Variants in ZNF646 observed in about 807,000 individuals in gnomAD.
The protein encoded by ZNF646 is zinc finger protein 646.
ZNF646 carries 49 observed loss-of-function variants against 115.4 expected under a neutral mutation model. The observed-to-expected ratio is 0.42, with a 90% confidence interval of 0.34 to 0.54. The LOEUF (loss-of-function observed/expected upper bound fraction) is 0.54, where lower values mean the gene tolerates loss of function less well. Ranked by LOEUF, ZNF646 falls within the 20% of genes least tolerant of loss-of-function variation. The pLI, the probability that ZNF646 is intolerant of heterozygous loss-of-function variation, is 0.04. For synonymous variants in ZNF646, 933 were observed against 939.0 expected (o/e 0.99, Z 0.12); for missense variants, 2,269 against 2,457.9 (o/e 0.92, Z 1.62).
At position 31,077,276 on chromosome 16, in the gene ZNF646, G is replaced by A; in HGVS notation, c.952G>A (p.Gly318Ser). 6.2e-7 allele frequency: 1 copy of A among 1,614,080 alleles called. No individual in the cohort carries two copies. Among genetic ancestry groups the A allele is most frequent in the Non-Finnish European group, 8.5e-7 (1 of 1,180,028 alleles). The change falls in exon 2 of 3, where the codon GGT becomes AGT. Residue 318 changes from glycine to serine, a missense_variant. Physicochemically the swap from Gly to Ser is moderately conservative, Grantham distance 56 (BLOSUM62 0). Around this residue, in one of 5 missense-constraint regions of ZNF646, gnomAD observed 852 missense variants for 900.2 expected, o/e 0.95. Transcript: ENST00000300850. ...GCTGGAACACCAGCAGTCCCATGAG[G>A]GTGAAAGGCAGGAGCCACGCTGGGA... ...ELLEHQQSHE[G>S]ERQEPRWEEK...
intron 1 of ZNF646, chr16:31,075,756 A>T (rs2057068722): frequency 6.6e-6 from 1 of 152,174 alleles, no homozygotes; most frequent in Non-Finnish European, 1.5e-5. Flanking sequence ...ACTGGAGGAA[A>T]CAGCTGCTTT....
rs768823396 is a variant in ZNF646 at position 31,077,888 on chromosome 16, G to C, written c.1564G>C (p.Ala522Pro). Residue 522 changes from alanine to proline, a missense_variant, in exon 2 of 3, where the codon GCA becomes CCA. Ala to Pro is a conservative substitution (Grantham distance 27). Coordinates refer to ENST00000300850, the MANE Select transcript of ZNF646 (RefSeq NM_014699.4). The part of the protein sequence containing the change: ...RVHCKAARRS[A>P]DIGAEGAPSH... ...ACATTGCAAGGCTGCTCGCCGAAGT[G>C]CAGACATCGGGGCTGAGGGTGCCCC... The C allele has an allele frequency of 6.2e-7, 1 of 1,613,734 alleles. No individual in the cohort carries two copies. The highest frequency in any genetic ancestry group is 1.7e-5 in the Admixed American group (1 of 60,010).
chr16:31,073,178 G>A (rs911880161), upstream of ZNF646: 2 of 152,394 alleles, frequency 1.3e-5, no homozygotes, highest in Non-Finnish European at 2.9e-5. Context: ...GGCTTCGGAG[G>A]ACGTGGCAAG....
chr16:31,073,192 G>A (rs2057030325), upstream of ZNF646: 1 of 152,452 alleles, frequency 6.6e-6, no homozygotes, highest in African/African-American at 2.4e-5. Context: ...TGGCAAGGAG[G>A]ACTGAACGAA....
rs1360749404 is a variant in ZNF646, at chr16:31,078,575, G to A, written c.2251G>A (p.Asp751Asn). ...GAGGGATGAGACCCATTTCCAGGGT[G>A]ATAAAGAGAGCGGAGGCACTGGGGA... ...LERDETHFQG[D>N]KESGGTGEGL... Residue 751 changes from aspartate to asparagine, a missense_variant, in exon 2 of 3, where the codon GAT becomes AAT. By Grantham distance (23) the Asp-to-Asn change is conservative. Coordinates refer to ENST00000300850, the MANE Select transcript of ZNF646 (RefSeq NM_014699.4). 1.9e-6 allele frequency: 3 copies of A among 1,610,914 alleles called. No homozygotes were observed. The highest frequency in any genetic ancestry group is 2.5e-6 in the Non-Finnish European group (3 of 1,177,834).
In ZNF646 at chr16:31,078,250, A is replaced by C. The variant is rs745978619; in HGVS notation, c.1926A>C (p.Gly642=). ...ACCACAGGCAGACCCACCAGACAGG[A>C]GACTTCAGTTGTGGGGCCTGTGCCA... is the stretch of plus-strand genomic sequence containing the variant. The part of the protein sequence containing the change: ...LINHRQTHQT[G]DFSCGACAKH... The change falls in exon 2 of 3, where the codon GGA becomes GGC. Residue 642 remains glycine, a synonymous_variant. Transcript: ENST00000300850. The C allele has an allele frequency of 6.2e-7, 1 of 1,613,980 alleles. No individual in the cohort carries two copies. The highest frequency in any genetic ancestry group is 8.5e-7 in the Non-Finnish European group (1 of 1,180,028).
chr16:31,081,083 T>C lies in ZNF646; in HGVS notation c.4759T>C (p.Cys1587Arg). 6.2e-7 allele frequency: 1 copy of C among 1,613,798 alleles called. No individual in the cohort carries two copies. ...HNHIDAQTFA[C>R]PDCGKAFESH... ...CCACATAGACGCCCAGACCTTTGCC[T>C]GTCCTGACTGTGGCAAAGCCTTTGA... The change falls in exon 2 of 3, where the codon TGT becomes CGT. Residue 1587 changes from cysteine to arginine, a missense_variant. By Grantham distance (180) the Cys-to-Arg change is radical. Around this residue, in one of 5 missense-constraint regions of ZNF646, gnomAD observed 1,062 missense variants for 1,172.8 expected, o/e 0.91. Transcript: ENST00000300850.
In ZNF646 at chr16:31,079,984, C is replaced by T; in HGVS notation, c.3660C>T (p.Asn1220=). 1 of 1,608,328 alleles carries T rather than the reference C, an allele frequency of 6.2e-7. No individual in the cohort carries two copies. The highest frequency in any genetic ancestry group is 8.5e-7 in the Non-Finnish European group (1 of 1,175,884). ...ACAAGCACGCCGGCAGCCTCATCAA[C>T]CACCGGCAGAGCCACCAGACCGGCC... ...RSYKHAGSLI[N]HRQSHQTGHF... The change falls in exon 2 of 3, where the codon AAC becomes AAT. Residue 1220 remains asparagine, a synonymous_variant. Coordinates refer to ENST00000300850, the MANE Select transcript of ZNF646 (RefSeq NM_014699.4). This position sits in a 1 kb window ranked among gnomAD's most constrained non-coding sequence, Gnocchi z 5.5.
rs200003013 is a variant in ZNF646, at chr16:31,081,367, G to T, written c.5043G>T (p.Gln1681His). Reference protein sequence around the residue: ...EDKERPFRCTQCGRSYRHAGS... With the variant: ...EDKERPFRCTHCGRSYRHAGS... ...AGGAGCGGCCCTTCCGCTGCACCCA[G>T]TGCGGGCGCTCCTACCGCCATGCTG... The change falls in exon 2 of 3, where the codon CAG becomes CAT. Residue 1681 changes from glutamine (Q) to histidine (H), a missense_variant. Gln to His is a conservative substitution (Grantham distance 24, BLOSUM62 0). Around this residue, in one of 5 missense-constraint regions of ZNF646, gnomAD observed 1,062 missense variants for 1,172.8 expected, o/e 0.91. Transcript: ENST00000300850. 6.2e-7 allele frequency: 1 copy of T among 1,613,284 alleles called. No homozygotes were observed. The highest frequency in any genetic ancestry group is 1.7e-5 in the Admixed American group (1 of 60,006).
intron 1 of ZNF646, 37 bp downstream of exon 1, chr16:31,074,668 G>C (rs999817592): frequency 3.9e-5 from 6 of 152,346 alleles, no homozygotes; most frequent in Admixed American, 2.6e-4. Flanking sequence ...TCTTGTTCGC[G>C]GTCCCCAACT....
chr16:31,074,820 G>A (rs1023732131), intron 1 of ZNF646, 189 bp downstream of exon 1: 3 of 152,256 alleles, frequency 2.0e-5, no homozygotes, highest in Non-Finnish European at 2.9e-5. Context: ...AAGGGGCTTT[G>A]TGAGGTGAGA....
chr16:31,074,298 A>C (rs1159602477), upstream of ZNF646: 2 of 152,400 alleles, frequency 1.3e-5, no homozygotes, highest in African/African-American at 4.8e-5. Context: ...AGCCGTGCAG[A>C]CCTAGAACTT....
chr16:31,079,386 A>G lies in ZNF646; in HGVS notation c.3062A>G (p.Asp1021Gly), dbSNP rs1176413022. 6.2e-7 allele frequency: 1 copy of G among 1,614,038 alleles called. No homozygotes were observed. Among genetic ancestry groups the G allele is most frequent in the Admixed American group, 1.7e-5 (1 of 60,018 alleles). ...IVNSVSGEGG[D>G]AKSQEGAGTP... The stretch of plus-strand genomic sequence containing the variant: ...AATTCTGTCTCTGGAGAGGGTGGAG[A>G]TGCCAAGTCTCAAGAGGGAGCAGGC... Residue 1021 changes from aspartate (D) to glycine (G), a missense_variant, in exon 2 of 3, where the codon GAT becomes GGT. Physicochemically the swap from Asp to Gly is moderately conservative, Grantham distance 94. Coordinates refer to ENST00000300850, the MANE Select transcript of ZNF646 (RefSeq NM_014699.4). This position sits in a 1 kb window ranked among gnomAD's most constrained non-coding sequence, Gnocchi z 5.5.
Position 31,083,775 on chromosome 16 carries a change from T to C in ZNF646, c.*683T>C, listed in dbSNP as rs1173828885. On this transcript the variant is annotated 3_prime_UTR_variant, in exon 3 of 3. Transcript: ENST00000300850. ...TGCCTGCATTCTCTTGTCCTGAGAA[T>C]GGCCAGGTCCCCTGTCAGCAGCTGG... The C allele has an allele frequency of 2.5e-6, 4 of 1,614,176 alleles. No individual in the cohort carries two copies.
chr16:31,080,031 C>T lies in ZNF646; in HGVS notation c.3707C>T (p.Ser1236Phe), dbSNP rs749083197. 1 of 1,608,706 alleles carries T rather than the reference C, an allele frequency of 6.2e-7. No homozygotes were observed. The highest frequency in any genetic ancestry group is 8.5e-7 in the Non-Finnish European group (1 of 1,176,492). ...QTGHFGCQAC[S>F]KGFSNLMSLK... ...GGCCACTTTGGCTGTCAGGCCTGCTCCAAGGGCTTCTCAAACCTCATGTCC... is the reference window on the plus strand; with the variant it reads ...GGCCACTTTGGCTGTCAGGCCTGCTTCAAGGGCTTCTCAAACCTCATGTCC... The change falls in exon 2 of 3, where the codon TCC becomes TTC. Residue 1236 changes from serine to phenylalanine, a missense_variant. Physicochemically the swap from Ser to Phe is radical, Grantham distance 155. This residue lies in a region of ZNF646 where 1,062 missense variants were observed against 1,172.8 expected (regional missense o/e 0.91). Transcript: ENST00000300850.
chr16:31,083,426 A>C lies in ZNF646; in HGVS notation c.*334A>C. ...AGCCTTTTGCTACAATTTGTAACTT[A>C]TTTTCTAAAGTCTATTTTGTAACAA... On this transcript the variant is annotated 3_prime_UTR_variant, in exon 3 of 3. Transcript: ENST00000300850. 1 of 1,281,376 alleles carries C rather than the reference A, an allele frequency of 7.8e-7. No individual in the cohort carries two copies. Among genetic ancestry groups the C allele is most frequent in the Non-Finnish European group, 1.0e-6 (1 of 996,176 alleles). The allele number at this position is 1,281,376 out of a possible 1,614,324, so 79.4% of individuals were successfully genotyped here.
rs370353469 is a variant in ZNF646 at position 31,080,382 on chromosome 16, G to A, written c.4058G>A (p.Arg1353Gln). ...CAGAGGCTGCACTCAGAGAATCGGC[G>A]GCGACGGGCTGGACGGTCCAGGCGC... ...DHQRLHSENR[R>Q]RRAGRSRRTA... The change falls in exon 2 of 3, where the codon CGG (arginine) becomes CAG (glutamine). Residue 1353 changes from arginine (R) to glutamine (Q), a missense_variant. Around this residue, in one of 5 missense-constraint regions of ZNF646, gnomAD observed 1,062 missense variants for 1,172.8 expected, o/e 0.91. Transcript: ENST00000300850. 3.8e-5 allele frequency: 61 copies of A among 1,613,098 alleles called. No homozygotes were observed. Among genetic ancestry groups the A allele is most frequent in the Middle Eastern group, 3.3e-4 (2 of 6,080 alleles).
Position 31,080,808 on chromosome 16 carries a change from G to A in ZNF646, c.4484G>A (p.Arg1495Lys). ...RSEEPEDSVH[R>K]SPCHAGDCQL... is the part of the protein sequence containing the mutation. ...GAGGAGCCAGAGGACAGTGTCCACA[G>A]GAGTCCTTGCCACGCTGGTGACTGC... Residue 1495 changes from arginine to lysine, a missense_variant, in exon 2 of 3, where the codon AGG (arginine) becomes AAG (lysine). Physicochemically the swap from Arg to Lys is conservative, Grantham distance 26. Around this residue, in one of 5 missense-constraint regions of ZNF646, gnomAD observed 1,062 missense variants for 1,172.8 expected, o/e 0.91. Transcript: ENST00000300850. The A allele has an allele frequency of 6.2e-7, 1 of 1,614,122 alleles. No individual in the cohort carries two copies.
Position 31,077,858 on chromosome 16 carries a change from C to T in ZNF646, c.1534C>T (p.Arg512Trp), listed in dbSNP as rs771377440. The change falls in exon 2 of 3, where the codon CGG becomes TGG. Residue 512 changes from arginine (R) to tryptophan (W), a missense_variant. Arg to Trp is a moderately radical substitution (Grantham distance 101). Around this residue, in one of 5 missense-constraint regions of ZNF646, gnomAD observed 852 missense variants for 900.2 expected, o/e 0.95. Coordinates refer to ENST00000300850, the MANE Select transcript of ZNF646 (RefSeq NM_014699.4). ...TCTCATGGCCCTGCGCAACCACGTG[C>T]GGGTACATTGCAAGGCTGCTCGCCG... Reference protein sequence around the residue: ...PNLMALRNHVRVHCKAARRSA... With the variant: ...PNLMALRNHVWVHCKAARRSA... 21 of 1,613,680 alleles carry T rather than the reference C, an allele frequency of 1.3e-5. No individual in the cohort carries two copies. Among genetic ancestry groups the T allele is most frequent in the Admixed American group, 3.3e-5 (2 of 59,996 alleles).
Sources: allele counts gnomAD v4.1 joint callset, GRCh38; gene constraint gnomAD v4.1.1; regional missense constraint gnomAD v4.1.1; non-coding constraint Gnocchi (gnomAD v3.1); transcripts MANE v1.5; gene names NCBI Gene and HGNC (gene_info 2026-07-23, HGNC 2026-07-21).